TRABD2A: variants seen among roughly 807,000 people sequenced by gnomAD.
The protein encoded by TRABD2A is metalloprotease TIKI1.
TRABD2A carries 43 observed loss-of-function variants against 45.6 expected under a neutral mutation model. That is an observed-to-expected ratio of 0.94 (90% CI 0.74 to 1.22). The LOEUF (loss-of-function observed/expected upper bound fraction) is 1.22, where lower values mean the gene tolerates loss of function less well. Ranked by LOEUF, TRABD2A falls within the 50% of genes most tolerant of loss-of-function variation. The pLI is 0.00. For missense variants in TRABD2A, 642 were observed against 652.4 expected (o/e 0.98, Z 0.17); for synonymous variants, 269 against 265.0 (o/e 1.02, Z -0.15).
intron 4 of TRABD2A, chr2:84,836,996 T>TG (rs1017064857): frequency 2.8e-5 from 4 of 144,158 alleles, no homozygotes; most frequent in African/African-American, 1.0e-4. Flanking sequence ...GTTTTTTTTT[T>TG]TTTTTTTTTT....
chr2:84,831,374 CCAAA>C (rs1169510946), intron 5 of TRABD2A, among the ~76,000 whole-genome samples: 5 of 152,152 alleles, frequency 3.3e-5, no homozygotes, highest in Middle Eastern at 3.4e-3. Flanking sequence ...TTATGACAGC[CCAAA>C]CAGACTACTA....
intron 4 of TRABD2A, 84 bp downstream of exon 4, chr2:84,839,065 C>A: frequency 6.6e-7 from 1 of 1,506,926 alleles, no homozygotes; most frequent in South Asian, 1.2e-5. Flanking sequence ...TAACACAGGC[C>A]CTAAGCAGGG....
chr2:84,836,992 T>TTTG (rs1681536094), intron 4 of TRABD2A: 1 of 139,116 alleles, frequency 7.2e-6, no homozygotes. Flanking sequence ...TAGGGTTTTT[T>TTTG]TTTTTTTTTT....
rs1046354622 is a variant in TRABD2A, at chr2:84,823,347, C to CCA, written c.1334+604_1334+605dup. 7.0e-4 allele frequency among the ~76,000 whole-genome samples: 107 copies of CCA among 152,252 alleles called. 1 individual carries two copies. The highest frequency in any genetic ancestry group is 2.4e-3 in the African/African-American group (100 of 41,552). ...AGGCAGGGCCCGTGTCTGGTTGGCCCCACACACATAGCATCCGACACAACA... is the reference window on the plus strand; with the variant it reads ...AGGCAGGGCCCGTGTCTGGTTGGCCCCACACACACATAGCATCCGACACAACA... On this transcript the variant is annotated intron_variant, in intron 6 of 6. Coordinates refer to ENST00000409520, the MANE Select transcript of TRABD2A (RefSeq NM_001277053.2).
chr2:84,839,089 T>C, intron 4 of TRABD2A, 60 bp downstream of exon 4: 2 of 1,592,066 alleles, frequency 1.3e-6, no homozygotes, highest in South Asian at 2.2e-5. Context: ...CACCTCAACA[T>C]TCCCTTCTTG....
chr2:84,856,649 A>G (rs1169990610), intron 2 of TRABD2A, among the ~76,000 whole-genome samples: 1 of 152,166 alleles, frequency 6.6e-6, no homozygotes, highest in Non-Finnish European at 1.5e-5. Flanking sequence ...ACAGCCTGGA[A>G]GAATGCACAT....
At chr2:84,866,682 C>CTT (rs111567421) in intron 2 of TRABD2A, among the ~76,000 whole-genome samples, 196 of 139,430 alleles carry the variant, frequency 1.4e-3, no homozygotes, top group Middle Eastern at 3.7e-3. Flanking sequence ...CAATTTCCTG[C>CTT]TTTTTTTTTT....
At position 84,880,950 on chromosome 2, in the gene TRABD2A, G is replaced by A; in HGVS notation, c.90C>T (p.Asn30=). The A allele has an allele frequency of 1.3e-6, 2 of 1,597,478 alleles. No individual in the cohort carries two copies. The highest frequency in any genetic ancestry group is 1.7e-6 in the Non-Finnish European group (2 of 1,172,854). Residue 30 remains asparagine, a synonymous_variant, in exon 1 of 7, where the codon AAC becomes AAT. Coordinates refer to ENST00000409520, the MANE Select transcript of TRABD2A (RefSeq NM_001277053.2). ...ASRRGAPGTA[N]CELKPQQSEL... ...GCCTTACTTGGGGCTTGAGCTCGCAGTTGGCGGTGCCGGGCGCCCCGCGCC... is the reference window on the plus strand; with the variant it reads ...GCCTTACTTGGGGCTTGAGCTCGCAATTGGCGGTGCCGGGCGCCCCGCGCC...
intron 4 of TRABD2A, chr2:84,836,352 C>T (rs1163666356): frequency 6.6e-6 from 1 of 152,226 alleles, no homozygotes; most frequent in East Asian, 1.9e-4. Context: ...TCTTTTATTT[C>T]AGCATTTTGA....
At chr2:84,874,727 A>C (rs1682975437) in intron 1 of TRABD2A, 1 of 234,208 alleles carries the variant, frequency 4.3e-6, no homozygotes, top group Non-Finnish European at 8.5e-6. Flanking sequence ...CTGTCTCCAA[A>C]AAAGGTTGGT....
intron 5 of TRABD2A, 32 bp downstream of exon 5, chr2:84,832,023 C>T: frequency 6.2e-7 from 1 of 1,612,490 alleles, no homozygotes. Flanking sequence ...GGTCTCAGCT[C>T]CCCAGCCAAG....
chr2:84,823,211 A>G (rs528946559), intron 6 of TRABD2A, among the ~76,000 whole-genome samples: 11 of 152,120 alleles, frequency 7.2e-5, no homozygotes, highest in Non-Finnish European at 1.3e-4. Context: ...CCTCCAACAC[A>G]CACACACATA....
intron 5 of TRABD2A, among the ~76,000 whole-genome samples, chr2:84,827,981 C>A (rs1681197883): frequency 6.6e-6 from 1 of 152,168 alleles, no homozygotes; most frequent in African/African-American, 2.4e-5. Context: ...CAGAACTATA[C>A]AATAATGAAT....
At chr2:84,861,847 T>C (rs570849722) in intron 2 of TRABD2A, among the ~76,000 whole-genome samples, 4 of 152,306 alleles carry the variant, frequency 2.6e-5, no homozygotes, top group African/African-American at 9.6e-5. Flanking sequence ...ACCTGAGCAT[T>C]GAGAGGCTAA....
At chr2:84,823,716 C>T (rs567023656) in intron 6 of TRABD2A, among the ~76,000 whole-genome samples, 4 of 152,270 alleles carry the variant, frequency 2.6e-5, no homozygotes, top group South Asian at 2.1e-4. Flanking sequence ...CATCCTACCC[C>T]GAAACTTGTT....
intron 1 of TRABD2A, among the ~76,000 whole-genome samples, chr2:84,874,086 C>T (rs907439010): frequency 6.6e-6 from 1 of 152,160 alleles, no homozygotes; most frequent in African/African-American, 2.4e-5. Flanking sequence ...ATCCAATACA[C>T]TTAATCTGCC....
rs878891113 is a variant in TRABD2A at position 84,822,070 on chromosome 2, G to A, written c.1365C>T (p.Val455=). The A allele has an allele frequency of 1.3e-6, 2 of 1,586,310 alleles. No individual in the cohort carries two copies. Among genetic ancestry groups the A allele is most frequent in the South Asian group, 1.2e-5 (1 of 86,366 alleles). ...SDIVPQLQVP[V]LDRHISTELR... ...GTTCAGTGGAGATGTGCCTGTCCAG[G>A]ACAGGGACCTGGAGTTGCGGGACTA... The change falls in exon 7 of 7, where the codon GTC becomes GTT. Residue 455 remains valine (V), a synonymous_variant. Transcript: ENST00000409520.
chr2:84,875,738 G>A (rs768186248), intron 1 of TRABD2A, among the ~76,000 whole-genome samples: 7 of 152,116 alleles, frequency 4.6e-5, no homozygotes, highest in Admixed American at 6.5e-5. Context: ...TGGCCAGCAC[G>A]GTGCCTCATG....
At chr2:84,829,769 C>T (rs1387655181) in intron 5 of TRABD2A, among the ~76,000 whole-genome samples, 1 of 149,634 alleles carries the variant, frequency 6.7e-6, no homozygotes, top group Non-Finnish European at 1.5e-5. Flanking sequence ...CACACACATC[C>T]ACACTACACC....
Sources: allele counts gnomAD v4.1 joint callset (sites outside exome capture counted in the v4.1 genomes callset), GRCh38; gene constraint gnomAD v4.1.1; transcripts MANE v1.5; gene names NCBI Gene and HGNC (gene_info 2026-07-23, HGNC 2026-07-21).